GARNL3: variants seen among roughly 807,000 people sequenced by gnomAD.
The protein encoded by GARNL3 is GTPase activating Rap/RanGAP domain like 3.
A neutral mutation model predicts 125.0 loss-of-function variants in GARNL3; 63 were observed. That is an observed-to-expected ratio of 0.50 (90% CI 0.41 to 0.62). GARNL3 has a LOEUF of 0.62. Ranked by LOEUF, GARNL3 falls within the 20% of genes least tolerant of loss-of-function variation. The pLI is 0.00. For missense variants in GARNL3, 994 were observed against 1,244.0 expected (o/e 0.80, Z 3.02); for synonymous variants, 439 against 457.5 (o/e 0.96, Z 0.52).
At position 127,355,449 on chromosome 9, in the gene GARNL3, G is replaced by T. The variant is rs1356286857; in HGVS notation, c.1912G>T (p.Val638Phe). Residue 638 changes from valine (V) to phenylalanine (F), a missense_variant, in exon 20 of 28, where the codon GTT (valine) becomes TTT (phenylalanine). Around this residue, in one of 5 missense-constraint regions of GARNL3, gnomAD observed 728 missense variants for 865.7 expected, o/e 0.84. Coordinates refer to ENST00000373387, the MANE Select transcript of GARNL3 (RefSeq NM_032293.5). The part of the protein sequence containing the change: ...SLLSPLSESP[V>F]EEFQYIREIC... ...GTTATCTCCCCTGTCTGAGTCACCT[G>T]TTGAAGAATTCCAGTACATCAGGGT... 2 of 1,614,230 alleles carry T rather than the reference G, an allele frequency of 1.2e-6. No homozygotes were observed. The highest frequency in any genetic ancestry group is 1.1e-5 in the South Asian group (1 of 91,084).
chr9:127,232,231 G>T (rs1354713778), intron 1 of GARNL3, among the ~76,000 whole-genome samples: 2 of 152,156 alleles, frequency 1.3e-5, no homozygotes, highest in Non-Finnish European at 2.9e-5. Flanking sequence ...TTGTCAGGTG[G>T]CTCTTACCCA....
At chr9:127,332,508 C>T (rs776194599) in intron 8 of GARNL3, among the ~76,000 whole-genome samples, 159 bp downstream of exon 8, 3 of 152,058 alleles carry the variant, frequency 2.0e-5, no homozygotes, top group Non-Finnish European at 4.4e-5. Flanking sequence ...AGTTGTTGCC[C>T]AGTTTCATTC....
intron 13 of GARNL3, among the ~76,000 whole-genome samples, chr9:127,340,729 A>G (rs1249695435): frequency 6.6e-6 from 1 of 151,558 alleles, no homozygotes; most frequent in Admixed American, 6.6e-5. Context: ...TCCTACGTGG[A>G]CAAGTGTTAC....
chr9:127,331,109 C>T (rs1220087715), intron 7 of GARNL3, among the ~76,000 whole-genome samples: 1 of 152,002 alleles, frequency 6.6e-6, no homozygotes, highest in East Asian at 1.9e-4. Flanking sequence ...GAGGTCGATT[C>T]TCTTCCAACA....
chr9:127,269,438 G>A (rs1002502965), intron 1 of GARNL3, among the ~76,000 whole-genome samples: 1 of 152,216 alleles, frequency 6.6e-6, no homozygotes, highest in African/African-American at 2.4e-5. Flanking sequence ...TTAACTAGGA[G>A]TGGAATTGCC....
chr9:127,282,433 A>G (rs1190515618), intron 1 of GARNL3, among the ~76,000 whole-genome samples: 1 of 152,210 alleles, frequency 6.6e-6, no homozygotes, highest in Admixed American at 6.5e-5. Context: ...TCCTCACCAC[A>G]AGCCTAGAAG....
upstream of GARNL3, among the ~76,000 whole-genome samples, chr9:127,259,895 A>T (rs549131245): frequency 8.4e-4 from 128 of 152,146 alleles, no homozygotes; most frequent in African/African-American, 2.7e-3. Flanking sequence ...AAATTTTTTT[A>T]AATTAACCAG....
rs559687587 is a variant in GARNL3, at chr9:127,271,260, A to T, written c.144+6239A>T. On this transcript the variant is annotated intron_variant, in intron 1 of 27. Transcript: ENST00000373387. Reference sequence around the variant, plus strand: ...GTACTTTTTTAAATACCATAAATAAAGATATAGATTATGAACTCCCTAAAA... The same window carrying T: ...GTACTTTTTTAAATACCATAAATAATGATATAGATTATGAACTCCCTAAAA... 4.0e-5 allele frequency among the ~76,000 whole-genome samples: 6 copies of T among 150,482 alleles called. No homozygotes were observed. The East Asian group carries it at 9.6e-4, about 24-fold the overall frequency.
At chr9:127,370,592 C>T (rs1012783043) in intron 22 of GARNL3, among the ~76,000 whole-genome samples, 7 of 152,204 alleles carry the variant, frequency 4.6e-5, no homozygotes, top group African/African-American at 1.7e-4. Flanking sequence ...ATCAGAGAGC[C>T]ATATCAGAGG....
At chr9:127,347,333 G>T (rs182067913) in intron 16 of GARNL3, among the ~76,000 whole-genome samples, 17 of 152,204 alleles carry the variant, frequency 1.1e-4, no homozygotes, top group Admixed American at 1.0e-3. Context: ...GAGGCAGGAG[G>T]ATCACTTGAG....
intron 24 of GARNL3, among the ~76,000 whole-genome samples, chr9:127,386,549 G>C (rs1043922441): frequency 2.0e-5 from 3 of 152,228 alleles, no homozygotes; most frequent in Admixed American, 6.5e-5. Context: ...GACACTGTTG[G>C]TGTCAATAAC....
intron 21 of GARNL3, among the ~76,000 whole-genome samples, chr9:127,360,983 A>C (rs1421148965): frequency 6.6e-6 from 1 of 152,142 alleles, no homozygotes; most frequent in Non-Finnish European, 1.5e-5. Flanking sequence ...CCCAAAACCA[A>C]GTGCTCCTCT....
intron 17 of GARNL3, among the ~76,000 whole-genome samples, chr9:127,352,248 C>G (rs1830457418): frequency 6.6e-6 from 1 of 152,152 alleles, no homozygotes; most frequent in Non-Finnish European, 1.5e-5. Flanking sequence ...AGTATTAACA[C>G]CAGGCCTCAG....
chr9:127,344,749 AC>A (rs1417229239), intron 15 of GARNL3, among the ~76,000 whole-genome samples: 1 of 152,176 alleles, frequency 6.6e-6, no homozygotes, highest in Non-Finnish European at 1.5e-5. Flanking sequence ...GACTTGAATT[AC>A]CACCCTATGA....
intron 21 of GARNL3, chr9:127,362,423 C>G (rs1274872369): frequency 6.6e-6 from 1 of 152,140 alleles, no homozygotes; most frequent in East Asian, 1.9e-4. Context: ...GAAGAAGTCA[C>G]TTACTTACCC....
At chr9:127,377,750 T>C (rs146862285) in intron 22 of GARNL3, among the ~76,000 whole-genome samples, 3,201 of 142,440 alleles carry the variant, frequency 0.022, 122 homozygotes, top group African/African-American at 0.081. Context: ...ATCGTGCCAT[T>C]GCACACCAGT....
chr9:127,383,396 G>C lies in GARNL3; in HGVS notation c.2162-42G>C, dbSNP rs146069634. On this transcript the variant is annotated intron_variant, in intron 22 of 27. Transcript: ENST00000373387. ...TTTCTTTAATTACAGTCATCTAAGT[G>C]TTGTCTCTAACAAAAATGAGTTGCT... 9.8e-5 allele frequency: 122 copies of C among 1,246,200 alleles called. No individual in the cohort carries two copies. The East Asian group carries it at 2.8e-3, about 29-fold the overall frequency. 77.2% of individuals were successfully genotyped at this position (1,246,200 alleles called of 1,614,324 possible). A position where few individuals can be genotyped will look rare whatever the true frequency, so the allele number is the denominator to read the frequency against.
chr9:127,295,852 G>T (rs1397625005), intron 2 of GARNL3, among the ~76,000 whole-genome samples: 1 of 152,120 alleles, frequency 6.6e-6, no homozygotes, highest in African/African-American at 2.4e-5. Context: ...GTTTCAGGAT[G>T]ATTCAAGCAC....
intron 7 of GARNL3, among the ~76,000 whole-genome samples, chr9:127,329,916 T>C (rs1364273198): frequency 6.6e-6 from 1 of 152,186 alleles, no homozygotes; most frequent in Non-Finnish European, 1.5e-5. Flanking sequence ...GTTATGGTCA[T>C]TGACCTAGTC....
Sources: allele counts gnomAD v4.1 joint callset (sites outside exome capture counted in the v4.1 genomes callset), GRCh38; gene constraint gnomAD v4.1.1; regional missense constraint gnomAD v4.1.1; transcripts MANE v1.5; gene names NCBI Gene and HGNC (gene_info 2026-07-23, HGNC 2026-07-21).